Variants in MAP4K5 observed in about 807,000 individuals in gnomAD.
MAP4K5 encodes the protein MAPK/ERK kinase kinase kinase 5.
A neutral mutation model predicts 135.6 loss-of-function variants in MAP4K5; 82 were observed. That is an observed-to-expected ratio of 0.60 (90% CI 0.51 to 0.73). The LOEUF (loss-of-function observed/expected upper bound fraction) is 0.73, where lower values mean the gene tolerates loss of function less well. Ranked by LOEUF, MAP4K5 falls within the 30% of genes least tolerant of loss-of-function variation. MAP4K5 has a pLI of 0.00. For missense variants in MAP4K5, 907 were observed against 1,010.9 expected (o/e 0.90, Z 1.39); for synonymous variants, 347 against 335.0 (o/e 1.04, Z -0.39).
intron 3 of MAP4K5, among the ~76,000 whole-genome samples, chr14:50,501,369 G>T (rs2037702290): frequency 6.6e-6 from 1 of 151,700 alleles, no homozygotes; most frequent in South Asian, 2.1e-4. Flanking sequence ...CTACAGAATT[G>T]TATCTTACAA....
chr14:50,464,276 G>A (rs1595470670), intron 11 of MAP4K5, 143 bp from the exon 12 acceptor site: 1 of 547,452 alleles, frequency 1.8e-6, no homozygotes, highest in Non-Finnish European at 3.2e-6. Context: ...ATATTCCGTG[G>A]AAACATCTGT....
intron 2 of MAP4K5, among the ~76,000 whole-genome samples, chr14:50,517,100 A>G (rs1196833580): frequency 6.6e-6 from 1 of 151,984 alleles, no homozygotes; most frequent in Non-Finnish European, 1.5e-5. Context: ...CATTAGATTC[A>G]TGACAACAAA....
At chr14:50,505,632 C>A (rs1352173834) in intron 2 of MAP4K5, among the ~76,000 whole-genome samples, 1 of 152,160 alleles carries the variant, frequency 6.6e-6, no homozygotes, top group Admixed American at 6.5e-5. Context: ...GCAACCTAGA[C>A]ATACAATTGT....
intron 5 of MAP4K5, among the ~76,000 whole-genome samples, 161 bp downstream of exon 5, chr14:50,485,417 C>T (rs1359122689): frequency 6.6e-6 from 1 of 151,918 alleles, no homozygotes; most frequent in East Asian, 1.9e-4. Context: ...AATTGACTAA[C>T]CAATAAAAAA....
At chr14:50,477,898 G>A (rs2037138912) in intron 6 of MAP4K5, among the ~76,000 whole-genome samples, 1 of 152,056 alleles carries the variant, frequency 6.6e-6, no homozygotes, top group African/African-American at 2.4e-5. Context: ...GGTTTATGAA[G>A]AACATTAGCC....
chr14:50,438,336 A>G (rs2036146340), intron 23 of MAP4K5: 2 of 270,184 alleles, frequency 7.4e-6, no homozygotes, highest in Non-Finnish European at 1.4e-5. Context: ...ACTGAGTTAC[A>G]ATGATGTACA....
chr14:50,517,703 A>AGGTTGCAGT (rs1214117917), intron 2 of MAP4K5, among the ~76,000 whole-genome samples: 2 of 152,008 alleles, frequency 1.3e-5, no homozygotes, highest in Non-Finnish European at 2.9e-5. Context: ...CGGGAGGCGG[A>AGGTTGCAGT]GGTTGCAGTG....
chr14:50,517,780 A>G (rs1014686251), intron 2 of MAP4K5, among the ~76,000 whole-genome samples: 1 of 152,164 alleles, frequency 6.6e-6, no homozygotes, highest in African/African-American at 2.4e-5. Context: ...CGTCTCAAAA[A>G]ATAAAACAAA....
intron 2 of MAP4K5, among the ~76,000 whole-genome samples, chr14:50,516,671 CT>C (rs2038040254): frequency 6.6e-6 from 1 of 152,182 alleles, no homozygotes; most frequent in South Asian, 2.1e-4. Flanking sequence ...AAGAGCACAT[CT>C]CTTCTACTTA....
At chr14:50,469,190 G>A (rs1433451351) in intron 9 of MAP4K5, among the ~76,000 whole-genome samples, 1 of 152,166 alleles carries the variant, frequency 6.6e-6, no homozygotes, top group Admixed American at 6.5e-5. Context: ...CAAATTCAGG[G>A]AGACCAGCAA....
chr14:50,444,028 C>T lies in MAP4K5; in HGVS notation c.1348G>A (p.Asp450Asn). 1 of 1,597,616 alleles carries T rather than the reference C, an allele frequency of 6.3e-7. No homozygotes were observed. The highest frequency in any genetic ancestry group is 1.1e-5 in the South Asian group (1 of 88,826). Residue 450 changes from aspartate (D) to asparagine (N), a missense_variant, in exon 19 of 33, where the codon GAT (aspartate) becomes AAT (asparagine). By Grantham distance (23) the Asp-to-Asn change is conservative. Coordinates refer to ENST00000682126, the MANE Select transcript of MAP4K5 (RefSeq NM_006575.6). ...VAETSSIGNG[D>N]GISKLMSENT... Reference sequence around the variant, plus strand: ...TCACTCATCAGTTTTGAAATACCATCACCATTTCCTAAAGAGAATCATGTT... The same window carrying T: ...TCACTCATCAGTTTTGAAATACCATTACCATTTCCTAAAGAGAATCATGTT...
intron 3 of MAP4K5, among the ~76,000 whole-genome samples, chr14:50,490,090 A>G (rs111738308): frequency 6.8e-6 from 1 of 147,934 alleles, no homozygotes; most frequent in African/African-American, 2.5e-5. Context: ...TGTGTGTGTG[A>G]GAGAGAGAGA....
intron 9 of MAP4K5, among the ~76,000 whole-genome samples, chr14:50,473,300 T>G (rs1472944307): frequency 6.6e-6 from 1 of 152,190 alleles, no homozygotes; most frequent in African/African-American, 2.4e-5. Flanking sequence ...ATATTCTACC[T>G]TTCTTTTTTA....
intron 2 of MAP4K5, among the ~76,000 whole-genome samples, chr14:50,530,154 A>T (rs2038355731): frequency 6.6e-6 from 1 of 152,324 alleles, no homozygotes; most frequent in Non-Finnish European, 1.5e-5. Flanking sequence ...TTGTGAGGGT[A>T]GGGGACCATG....
At chr14:50,531,558 A>G (rs1445375444) in intron 2 of MAP4K5, among the ~76,000 whole-genome samples, 1 of 152,184 alleles carries the variant, frequency 6.6e-6, no homozygotes, top group Non-Finnish European at 1.5e-5. Flanking sequence ...AAAAAATGCA[A>G]ATGTCTGAAT....
Position 50,444,397 on chromosome 14 carries a change from A to G in MAP4K5, c.1340-361T>C, listed in dbSNP as rs542262820. Among the ~76,000 whole-genome samples the G allele has an allele frequency of 2.0e-5, 3 of 152,246 alleles. No homozygotes were observed. The East Asian group carries it at 5.8e-4, about 29-fold the overall frequency. Reference sequence around the variant, plus strand: ...TATTATAATAGACTGCATAATTCAGATTTCCCAGCTTCAGTGCATTTCATC... The same window carrying G: ...TATTATAATAGACTGCATAATTCAGGTTTCCCAGCTTCAGTGCATTTCATC... On this transcript the variant is annotated intron_variant, in intron 18 of 32. Transcript: ENST00000682126.
chr14:50,429,837 A>G (rs2035930779), intron 28 of MAP4K5, among the ~76,000 whole-genome samples: 4 of 152,068 alleles, frequency 2.6e-5, no homozygotes, highest in Admixed American at 2.0e-4. Context: ...GCAGGATACA[A>G]CTCTCATCGT....
chr14:50,544,024 T>C (rs538937992), intron 1 of MAP4K5, among the ~76,000 whole-genome samples: 1 of 152,356 alleles, frequency 6.6e-6, no homozygotes, highest in South Asian at 2.1e-4. Flanking sequence ...TGATTGATTC[T>C]AACTACCATG....
chr14:50,463,749 G>C (rs985166369), intron 12 of MAP4K5, among the ~76,000 whole-genome samples: 10 of 151,878 alleles, frequency 6.6e-5, no homozygotes, highest in Non-Finnish European at 1.2e-4. Context: ...CCAGGTGGTA[G>C]TGGCACGCGC....
Sources: gnomAD v4.1 joint callset for allele counts (sites outside exome capture counted in the v4.1 genomes callset) on GRCh38, gnomAD v4.1.1 for gene constraint, MANE v1.5 for transcripts, NCBI Gene and HGNC (gene_info 2026-07-23, HGNC 2026-07-21) for gene names.